Variants in TMEM163 observed in about 807,000 individuals in gnomAD.
TMEM163 encodes the protein transmembrane protein 163.
In TMEM163, 17 loss-of-function variants were observed where a neutral mutation model predicts 29.3. The ratio of observed to expected loss-of-function variants is 0.58; its 90% CI spans 0.40 to 0.87. TMEM163 has a LOEUF of 0.87. Among genes scored for constraint, TMEM163 ranks in the 40% least tolerant of loss-of-function variants. The pLI, the probability that TMEM163 is intolerant of heterozygous loss-of-function variation, is 0.00. For synonymous variants in TMEM163, 157 were observed against 160.6 expected, an observed-to-expected ratio of 0.98 and a Z score of 0.17; for missense variants, 303 against 381.5, an observed-to-expected ratio of 0.79 and a Z score of 1.71.
intron 2 of TMEM163, among the ~76,000 whole-genome samples, chr2:134,661,085 T>A (rs549766790): frequency 6.6e-6 from 1 of 152,134 alleles, no homozygotes; most frequent in South Asian, 2.1e-4. Context: ...AAAGTATGAG[T>A]TTGGCCCCCT....
chr2:134,536,828 A>G (rs1680552320), intron 4 of TMEM163, among the ~76,000 whole-genome samples: 1 of 152,218 alleles, frequency 6.6e-6, no homozygotes, highest in African/African-American at 2.4e-5. Flanking sequence ...GTTCCCTGAC[A>G]GGCTGTAAGA....
chr2:134,699,827 T>C (rs1040565981), intron 2 of TMEM163, among the ~76,000 whole-genome samples: 4 of 152,244 alleles, frequency 2.6e-5, no homozygotes, highest in Admixed American at 1.3e-4. Context: ...AAATGTTTTA[T>C]CTTCTGGGTG....
chr2:134,574,906 G>A (rs1022000124), intron 2 of TMEM163, among the ~76,000 whole-genome samples: 3 of 152,146 alleles, frequency 2.0e-5, no homozygotes, highest in Non-Finnish European at 4.4e-5. Flanking sequence ...CTTGGCATGG[G>A]GTTCCATCTA....
chr2:134,632,975 G>A (rs1351715698), intron 2 of TMEM163, among the ~76,000 whole-genome samples: 7 of 149,888 alleles, frequency 4.7e-5, no homozygotes, highest in Non-Finnish European at 8.9e-5. Flanking sequence ...AGCCGGGATG[G>A]TCTCGATCTC....
rs140521417 is a variant in TMEM163, at chr2:134,709,826, A to G, written c.322+3374T>C. On this transcript the variant is annotated intron_variant, in intron 2 of 7. Coordinates refer to ENST00000281924, the MANE Select transcript of TMEM163 (RefSeq NM_030923.5). ...AGCATCAACACAGACATAAAGTCTG[A>G]TAAGAAACATTTGCAGTCTGTTCTC... is the stretch of plus-strand genomic sequence containing the variant. Among the ~76,000 whole-genome samples, 6 of 152,332 alleles carry G rather than the reference A, an allele frequency of 3.9e-5. No individual in the cohort carries two copies. In the East Asian group the frequency reaches 7.7e-4, roughly 20 times the overall value.
At chr2:134,699,957 ATCT>A (rs1271385088) in intron 2 of TMEM163, among the ~76,000 whole-genome samples, 2 of 152,178 alleles carry the variant, frequency 1.3e-5, no homozygotes, top group African/African-American at 4.8e-5. Flanking sequence ...TTGCCAGATC[ATCT>A]TCTTCTATCC....
At chr2:134,690,084 C>T (rs1433799956) in intron 2 of TMEM163, among the ~76,000 whole-genome samples, 1 of 152,126 alleles carries the variant, frequency 6.6e-6, no homozygotes, top group Non-Finnish European at 1.5e-5. Context: ...GCACGCACCA[C>T]CATGCCTGGC....
chr2:134,660,627 T>G (rs1683726932), intron 2 of TMEM163, among the ~76,000 whole-genome samples: 1 of 152,204 alleles, frequency 6.6e-6, no homozygotes, highest in Non-Finnish European at 1.5e-5. Context: ...CTTCTAAATG[T>G]GCCCACTGGT....
chr2:134,457,543 A>T (rs1351015910), intron 7 of TMEM163, among the ~76,000 whole-genome samples: 1 of 152,234 alleles, frequency 6.6e-6, no homozygotes, highest in Non-Finnish European at 1.5e-5. Context: ...TGGGTGCTGA[A>T]GTCCATGTCA....
intron 2 of TMEM163, among the ~76,000 whole-genome samples, chr2:134,670,335 C>A (rs1238884871): frequency 2.6e-5 from 4 of 152,200 alleles, no homozygotes; most frequent in South Asian, 2.1e-4. Context: ...GGAGACCTCG[C>A]AGCATCTCAC....
chr2:134,600,546 G>T (rs879300656), intron 2 of TMEM163, among the ~76,000 whole-genome samples: 2 of 152,174 alleles, frequency 1.3e-5, no homozygotes, highest in Non-Finnish European at 2.9e-5. Flanking sequence ...TAATGCTATA[G>T]TTCGAATGCT....
chr2:134,524,502 C>T (rs1680252001), intron 4 of TMEM163, among the ~76,000 whole-genome samples: 2 of 150,004 alleles, frequency 1.3e-5, no homozygotes, highest in Admixed American at 6.6e-5. Flanking sequence ...CATGCATTTG[C>T]TATTTATCCT....
chr2:134,478,314 G>A (rs953746344), intron 5 of TMEM163, among the ~76,000 whole-genome samples: 3 of 152,186 alleles, frequency 2.0e-5, no homozygotes, highest in African/African-American at 7.2e-5. Flanking sequence ...GGCAGAGGTT[G>A]GAAGAATTTG....
intron 2 of TMEM163, among the ~76,000 whole-genome samples, chr2:134,653,007 CT>C (rs1558979355): frequency 7.5e-6 from 1 of 132,492 alleles, no homozygotes; most frequent in East Asian, 2.0e-4. Flanking sequence ...CTAAAACTCT[CT>C]TTTTTGGTTG....
rs117189249 is a variant in TMEM163 at position 134,559,656 on chromosome 2, C to T, written c.323-7565G>A. Among the ~76,000 whole-genome samples, 3 of 152,242 alleles carry T rather than the reference C, an allele frequency of 2.0e-5. No individual in the cohort carries two copies. The East Asian group carries it at 5.8e-4, about 29-fold the overall frequency. On this transcript the variant is annotated intron_variant, in intron 2 of 7. Transcript: ENST00000281924. ...ATGATCATGGGTCTCTCTCACATGA[C>T]GAATGGGTGGCTACATACAAAAAGG...
At chr2:134,562,584 T>A (rs1273322662) in intron 2 of TMEM163, among the ~76,000 whole-genome samples, 1 of 152,238 alleles carries the variant, frequency 6.6e-6, no homozygotes, top group Non-Finnish European at 1.5e-5. Flanking sequence ...TTAAGAAACA[T>A]TTTAAAGAAC....
intron 2 of TMEM163, among the ~76,000 whole-genome samples, chr2:134,643,326 T>C (rs1380266435): frequency 6.6e-6 from 1 of 152,060 alleles, no homozygotes; most frequent in East Asian, 1.9e-4. Context: ...GTTATAGAAA[T>C]ATAATCCATA....
chr2:134,570,432 C>CATAG (rs1681393387), intron 2 of TMEM163, among the ~76,000 whole-genome samples: 1 of 151,096 alleles, frequency 6.6e-6, no homozygotes, highest in Non-Finnish European at 1.5e-5. Flanking sequence ...GGCCTTGGAA[C>CATAG]ATAGCCCCCA....
At chr2:134,539,388 A>C (rs768211110) in intron 4 of TMEM163, among the ~76,000 whole-genome samples, 2 of 152,218 alleles carry the variant, frequency 1.3e-5, no homozygotes, top group Non-Finnish European at 2.9e-5. Context: ...GGGGTCCTTC[A>C]TAAGGGAGGT....
Sources: allele counts gnomAD v4.1 joint callset (sites outside exome capture counted in the v4.1 genomes callset), GRCh38; gene constraint gnomAD v4.1.1; transcripts MANE v1.5; gene names NCBI Gene and HGNC (gene_info 2026-07-23, HGNC 2026-07-21).